Variants in CRACR2A observed in about 807,000 individuals in gnomAD.
CRACR2A encodes the protein EF-hand calcium-binding domain-containing protein 4B.
A neutral mutation model predicts 90.5 loss-of-function variants in CRACR2A; 79 were observed. That is an observed-to-expected ratio of 0.87 (90% CI 0.73 to 1.05). The LOEUF is 1.05. CRACR2A is among the 50% of genes least tolerant of loss of function. The pLI is 0.00. For missense variants in CRACR2A, 823 were observed against 897.2 expected (o/e 0.92, Z 1.06); for synonymous variants, 338 against 356.7 (o/e 0.95, Z 0.59).
At chr12:3,745,563 C>G (rs926816775) in intron 1 of CRACR2A, among the ~76,000 whole-genome samples, 1 of 151,962 alleles carries the variant, frequency 6.6e-6, no homozygotes, top group Non-Finnish European at 1.5e-5. Context: ...CATTTGAGGT[C>G]TGGAGTTTGA....
chr12:3,656,397 T>C lies in CRACR2A; in HGVS notation c.772A>G (p.Arg258Gly). Reference sequence around the variant, plus strand: ...AGCTCTTGACTGCGGGCTTGAAACCTCTCTGTGTCCTGCCAAGCCAGAAAG... The same window carrying C: ...AGCTCTTGACTGCGGGCTTGAAACCCCTCTGTGTCCTGCCAAGCCAGAAAG... ...KEQFLLKDTE[R>G]FQARSQELEQ... Residue 258 changes from arginine to glycine, a missense_variant, in exon 9 of 20, where the codon AGG becomes GGG. Transcript: ENST00000440314. The C allele has an allele frequency of 6.2e-7, 1 of 1,614,006 alleles. No homozygotes were observed. Among genetic ancestry groups the C allele is most frequent in the Admixed American group, 1.7e-5 (1 of 60,008 alleles).
At chr12:3,658,073 G>C (rs552554412) in intron 8 of CRACR2A, among the ~76,000 whole-genome samples, 33 of 152,312 alleles carry the variant, frequency 2.2e-4, no homozygotes, top group African/African-American at 7.7e-4. Context: ...CACCCAGAAG[G>C]CATAAATCTA....
chr12:3,666,504 C>T (rs542751125), intron 7 of CRACR2A, among the ~76,000 whole-genome samples: 5 of 152,272 alleles, frequency 3.3e-5, no homozygotes, highest in East Asian at 1.9e-4. Context: ...AAATACAAAG[C>T]GTAGCTTCTG....
chr12:3,644,509 T>C (rs1439777968), intron 12 of CRACR2A, 86 bp downstream of exon 12: 1 of 1,362,232 alleles, frequency 7.3e-7, no homozygotes, highest in Non-Finnish European at 1.0e-6. Flanking sequence ...GTCAGGACAT[T>C]GCTGGGCCAG....
rs755257314 is a variant in CRACR2A, at chr12:3,633,914, G to A, written c.1603-178C>T. On this transcript the variant is annotated intron_variant, in intron 14 of 19. Coordinates refer to ENST00000440314, the MANE Select transcript of CRACR2A (RefSeq NM_001144958.2). The surrounding 1 kb of genome is among the most constrained non-coding windows in gnomAD (Gnocchi z 4.5). ...ATGCAGTGAGCATAGTCGGTCTTGG[G>A]GCATGGAGGCTTTTTCCAGCATCCG... Among the ~76,000 whole-genome samples, 7 of 152,188 alleles carry A rather than the reference G, an allele frequency of 4.6e-5. No homozygotes were observed. The highest frequency in any genetic ancestry group is 8.8e-5 in the Non-Finnish European group (6 of 68,028).
intron 1 of CRACR2A, among the ~76,000 whole-genome samples, chr12:3,734,342 C>T (rs1371543959): frequency 6.6e-6 from 1 of 151,982 alleles, no homozygotes; most frequent in Non-Finnish European, 1.5e-5. Context: ...ATTTTTTACC[C>T]CCACTGATGT....
chr12:3,693,854 G>A (rs913405090), intron 4 of CRACR2A, among the ~76,000 whole-genome samples: 7 of 152,116 alleles, frequency 4.6e-5, no homozygotes, highest in Admixed American at 1.3e-4. Flanking sequence ...TCCTACAGAC[G>A]CTCCCACATC....
rs1017546779 is a variant in CRACR2A, at chr12:3,633,288, G to T, written c.1735+316C>A. Among the ~76,000 whole-genome samples the T allele has an allele frequency of 1.3e-5, 2 of 152,040 alleles. No individual in the cohort carries two copies. The highest frequency in any genetic ancestry group is 4.8e-5 in the African/African-American group (2 of 41,384). ...GGGGAGGAGTGGTCAAAAGGAGGGG[G>T]TACTCATTGAAGAGGGGAAGGGGAC... On this transcript the variant is annotated intron_variant, in intron 15 of 19. Coordinates refer to ENST00000440314, the MANE Select transcript of CRACR2A (RefSeq NM_001144958.2). This position sits in a 1 kb window ranked among gnomAD's most constrained non-coding sequence, Gnocchi z 4.5.
At chr12:3,699,301 T>TCATC (rs1945795688) in intron 3 of CRACR2A, among the ~76,000 whole-genome samples, 1 of 152,222 alleles carries the variant, frequency 6.6e-6, no homozygotes, top group African/African-American at 2.4e-5. Flanking sequence ...ATTCATTCAT[T>TCATC]CATCCATTCA....
intron 2 of CRACR2A, among the ~76,000 whole-genome samples, chr12:3,719,634 C>T (rs1269733335): frequency 6.6e-6 from 1 of 152,156 alleles, no homozygotes; most frequent in Non-Finnish European, 1.5e-5. Context: ...AATGAAATTC[C>T]CTCTGAGATA....
chr12:3,650,056 T>C (rs987014969), intron 10 of CRACR2A, among the ~76,000 whole-genome samples: 5 of 152,242 alleles, frequency 3.3e-5, no homozygotes, highest in Non-Finnish European at 5.9e-5. Flanking sequence ...CCGATCTTAC[T>C]ACAAGGGTTC....
chr12:3,653,190 T>C (rs894703669), intron 10 of CRACR2A, among the ~76,000 whole-genome samples: 30 of 151,994 alleles, frequency 2.0e-4, no homozygotes, highest in Non-Finnish European at 3.4e-4. Context: ...ACCGTGTTGG[T>C]CAGGCTGGTC....
chr12:3,642,613 C>T (rs923932362), intron 12 of CRACR2A, among the ~76,000 whole-genome samples: 7 of 152,326 alleles, frequency 4.6e-5, no homozygotes, highest in Middle Eastern at 3.4e-3. Context: ...ATTTCTAAAG[C>T]CTCAGATGTA....
chr12:3,730,741 A>G (rs921711937), intron 2 of CRACR2A: 1 of 152,222 alleles, frequency 6.6e-6, no homozygotes, highest in Non-Finnish European at 1.5e-5. Context: ...TAAGAAGTAG[A>G]GGGATGAGGC....
intron 13 of CRACR2A, among the ~76,000 whole-genome samples, chr12:3,639,820 T>C (rs978144819): frequency 1.3e-5 from 2 of 151,746 alleles, no homozygotes; most frequent in Non-Finnish European, 2.9e-5. Context: ...TCCTTTGACT[T>C]ATAAAAACAG....
chr12:3,625,613 A>G (rs920657761), intron 17 of CRACR2A, among the ~76,000 whole-genome samples: 3 of 147,140 alleles, frequency 2.0e-5, no homozygotes, highest in Admixed American at 6.9e-5. Flanking sequence ...TGAGATGGCC[A>G]TACTAGATGG....
intron 5 of CRACR2A, among the ~76,000 whole-genome samples, chr12:3,679,622 A>T (rs1341667361): frequency 2.0e-5 from 3 of 152,244 alleles, no homozygotes; most frequent in African/African-American, 7.2e-5. Flanking sequence ...CCTGAAGGTC[A>T]GGAAAGGCAT....
rs1225488199 is a variant in CRACR2A at position 3,638,295 on chromosome 12, GTCT to G, written c.1428_1430del (p.Glu476del). ...CACCATCCAGGAGCTGGGGCAGGGGGTCTTCTTCAACGGAGATGATTCTGCGGA... is the reference window on the plus strand; with the variant it reads ...CACCATCCAGGAGCTGGGGCAGGGGGTCTTCAACGGAGATGATTCTGCGGA... On this transcript the variant is annotated inframe_deletion, in exon 14 of 20. Transcript: ENST00000440314. The G allele has an allele frequency of 3.2e-6, 5 of 1,551,526 alleles. No individual in the cohort carries two copies. In the South Asian group the frequency reaches 3.6e-5, roughly 11 times the overall value.
At chr12:3,726,992 C>T (rs976683727) in intron 2 of CRACR2A, 4 of 151,552 alleles carry the variant, frequency 2.6e-5, no homozygotes, top group Non-Finnish European at 4.4e-5. Context: ...CCCGTCTCTA[C>T]TAAAAATACA....
Sources: allele counts gnomAD v4.1 joint callset (sites outside exome capture counted in the v4.1 genomes callset), GRCh38; gene constraint gnomAD v4.1.1; non-coding constraint Gnocchi (gnomAD v3.1); transcripts MANE v1.5; gene names NCBI Gene and HGNC (gene_info 2026-07-23, HGNC 2026-07-21).